Variants in USH2A observed in about 807,000 individuals in gnomAD.
USH2A encodes the protein usherin.
USH2A carries 443 observed loss-of-function variants against 538.9 expected under a neutral mutation model. That is an observed-to-expected ratio of 0.82 (90% CI 0.76 to 0.89). The LOEUF (loss-of-function observed/expected upper bound fraction) is 0.89, where lower values mean the gene tolerates loss of function less well. Among genes scored for constraint, USH2A ranks in the 40% least tolerant of loss-of-function variants. USH2A has a pLI of 0.00. For synonymous variants in USH2A, 2,413 were observed against 2,273.5 expected (o/e 1.06, Z -1.75); for missense variants, 6,633 against 6,324.8 (o/e 1.05, Z -1.65).
At chr1:215,741,688 G>GTTT (rs1395008736) in intron 59 of USH2A, 151 bp from the exon 60 acceptor site, 2 of 876,030 alleles carry the variant, frequency 2.3e-6, no homozygotes, top group Non-Finnish European at 3.3e-6. Flanking sequence ...AATTTTTATG[G>GTTT]GATTTGAACA....
At chr1:216,089,846 A>T (rs1000153124) in intron 22 of USH2A, among the ~76,000 whole-genome samples, 3 of 151,888 alleles carry the variant, frequency 2.0e-5, no homozygotes, top group African/African-American at 7.2e-5. Flanking sequence ...AGAGAAATAG[A>T]AGAAACACCT....
chr1:215,938,668 C>T (rs1395378068), intron 37 of USH2A, among the ~76,000 whole-genome samples: 4 of 152,122 alleles, frequency 2.6e-5, no homozygotes, highest in African/African-American at 9.7e-5. Flanking sequence ...ACCTTTTAAG[C>T]TTCTGAGTTC....
rs2032020667 is a variant in USH2A, at chr1:216,083,569, G to A, written c.5185C>T (p.Pro1729Ser). ...FLGAGFLELHPYMFHGGMNFE... is the reference protein window; with the variant it reads ...FLGAGFLELHSYMFHGGMNFE... ...TTCATTCCACCATGAAACATATATG[G>A]ATGAAGTTCCAGGAACCCTTTAAAG... Residue 1729 changes from proline (P) to serine (S), a missense_variant, in exon 26 of 72, where the codon CCA becomes TCA. Physicochemically the swap from Pro to Ser is moderately conservative, Grantham distance 74. Coordinates refer to ENST00000307340, the MANE Select transcript of USH2A (RefSeq NM_206933.4). The A allele has an allele frequency of 6.2e-7, 1 of 1,611,916 alleles. No homozygotes were observed. The highest frequency in any genetic ancestry group is 1.7e-5 in the Admixed American group (1 of 59,772).
chr1:216,221,247 C>T (rs934812628), intron 14 of USH2A, among the ~76,000 whole-genome samples: 1 of 152,116 alleles, frequency 6.6e-6, no homozygotes, highest in African/African-American at 2.4e-5. Context: ...TAACCTCACT[C>T]CCAGGGAATG....
intron 56 of USH2A, 126 bp downstream of exon 56, chr1:215,766,555 C>T: frequency 3.4e-6 from 3 of 887,406 alleles, no homozygotes; most frequent in African/African-American, 1.6e-5. Context: ...ACCTAGAATG[C>T]TATTTTATTT....
intron 49 of USH2A, among the ~76,000 whole-genome samples, chr1:215,813,024 G>A (rs112955732): frequency 4.9e-4 from 74 of 152,214 alleles, no homozygotes; most frequent in Non-Finnish European, 1.0e-3. Flanking sequence ...AAATTTCCTG[G>A]AGTTGTGAAG....
chr1:215,963,621 G>T (rs918955603), intron 37 of USH2A, among the ~76,000 whole-genome samples: 2 of 152,068 alleles, frequency 1.3e-5, no homozygotes, highest in Non-Finnish European at 2.9e-5. Flanking sequence ...GAGATAAATG[G>T]CTGGTTTTCG....
Position 215,643,853 on chromosome 1 carries a change from T to C in USH2A, c.14792-3119A>G, listed in dbSNP as rs113566802. On this transcript the variant is annotated intron_variant, in intron 67 of 71. Transcript: ENST00000307340. Reference sequence around the variant, plus strand: ...CCACAGGAAGAAAATCTTAAATCAGTTCACTTTGTTCTTCCAAGCATAAGA... The same window carrying C: ...CCACAGGAAGAAAATCTTAAATCAGCTCACTTTGTTCTTCCAAGCATAAGA... Among the ~76,000 whole-genome samples, 226 of 152,198 alleles carry C rather than the reference T, an allele frequency of 1.5e-3. 1 individual carries two copies. The highest frequency in any genetic ancestry group is 5.3e-3 in the African/African-American group (221 of 41,532).
chr1:216,246,237 A>T (rs2036042442), intron 13 of USH2A, among the ~76,000 whole-genome samples: 1 of 152,126 alleles, frequency 6.6e-6, no homozygotes, highest in African/African-American at 2.4e-5. Flanking sequence ...TGGATATTCA[A>T]CTCAAATTTT....
intron 47 of USH2A, among the ~76,000 whole-genome samples, chr1:215,817,469 A>G (rs1014583082): frequency 2.0e-5 from 3 of 151,904 alleles, no homozygotes; most frequent in African/African-American, 4.8e-5. Flanking sequence ...TTGTTTGGTA[A>G]GCAAAGATAA....
chr1:215,940,988 G>A (rs1243522116), intron 37 of USH2A, among the ~76,000 whole-genome samples: 2 of 151,964 alleles, frequency 1.3e-5, no homozygotes, highest in South Asian at 2.1e-4. Flanking sequence ...CTTTTTTAAC[G>A]TGTAGGCACA....
In USH2A at chr1:216,247,220, C is replaced by T. The variant is rs769499211; in HGVS notation, c.2174G>A (p.Arg725Lys). The T allele has an allele frequency of 1.1e-5, 18 of 1,613,830 alleles. 1 individual carries two copies. The South Asian group carries it at 2.0e-4, about 18-fold the overall frequency. ...CKCKANVIGL[R>K]CDHCNFGFKF... ...AAATCCAAAATTGCAATGATCACAC[C>T]TAAGCCCTAAAGATAAAATATATTT... The change falls in exon 13 of 72, where the codon AGG becomes AAG. Residue 725 changes from arginine (R) to lysine (K), a missense_variant. By Grantham distance (26) the Arg-to-Lys change is conservative (BLOSUM62 2). Transcript: ENST00000307340.
chr1:216,350,206 C>T (rs1175869065), intron 4 of USH2A, among the ~76,000 whole-genome samples: 2 of 152,092 alleles, frequency 1.3e-5, no homozygotes, highest in Non-Finnish European at 2.9e-5. Flanking sequence ...AATCATCTCC[C>T]ACCAGGTATC....
At chr1:215,807,215 C>T (rs948015977) in intron 49 of USH2A, among the ~76,000 whole-genome samples, 8 of 152,250 alleles carry the variant, frequency 5.3e-5, no homozygotes, top group Middle Eastern at 3.4e-3. Flanking sequence ...AATGGATTCT[C>T]TCCTCCAGAA....
intron 65 of USH2A, among the ~76,000 whole-genome samples, chr1:215,650,348 T>C (rs1165772349): frequency 1.3e-5 from 2 of 152,178 alleles, no homozygotes; most frequent in Non-Finnish European, 2.9e-5. Context: ...TTTCTTACGT[T>C]TGTGGAGTCT....
intron 20 of USH2A, among the ~76,000 whole-genome samples, chr1:216,185,788 A>C (rs914529413): frequency 6.6e-6 from 1 of 151,966 alleles, no homozygotes; most frequent in Non-Finnish European, 1.5e-5. Context: ...TTTAATGTCT[A>C]TACTTTCTAT....
At chr1:215,921,265 T>C (rs1283062474) in intron 38 of USH2A, among the ~76,000 whole-genome samples, 2 of 152,076 alleles carry the variant, frequency 1.3e-5, no homozygotes, top group East Asian at 1.9e-4. Flanking sequence ...TAAGTACTTA[T>C]ATCCACACTG....
chr1:216,241,645 C>T (rs1320842054), intron 13 of USH2A, among the ~76,000 whole-genome samples: 1 of 152,122 alleles, frequency 6.6e-6, no homozygotes, highest in Non-Finnish European at 1.5e-5. Flanking sequence ...AGCGATTCTC[C>T]TGCCTCAGTC....
At chr1:215,798,369 A>G (rs375275043) in intron 50 of USH2A, among the ~76,000 whole-genome samples, 1 of 152,208 alleles carries the variant, frequency 6.6e-6, no homozygotes, top group East Asian at 1.9e-4. Context: ...GATAATGTCT[A>G]ATATCTAATG....
Sources: gnomAD v4.1 joint callset for allele counts (sites outside exome capture counted in the v4.1 genomes callset) on GRCh38, gnomAD v4.1.1 for gene constraint, MANE v1.5 for transcripts, NCBI Gene and HGNC (gene_info 2026-07-23, HGNC 2026-07-21) for gene names.